FRMPD1: variants seen among roughly 807,000 people sequenced by gnomAD.
FRMPD1 encodes the protein FERM and PDZ domain containing 1.
A neutral mutation model predicts 117.8 loss-of-function variants in FRMPD1; 76 were observed. The observed-to-expected ratio is 0.65, with a 90% CI of 0.54 to 0.78. The LOEUF is 0.78. Ranked by LOEUF, FRMPD1 falls within the 30% of genes least tolerant of loss-of-function variation. The pLI is 0.00. For missense variants in FRMPD1, 1,786 were observed against 1,964.5 expected (o/e 0.91, Z 1.72); for synonymous variants, 783 against 770.4 (o/e 1.02, Z -0.27).
chr9:37,636,822 C>T, the FRMPD1 span: 4 of 1,612,134 alleles, frequency 2.5e-6, no homozygotes, highest in East Asian at 2.2e-5. Context: ...GCCTGCTCGA[C>T]ATTGGTGGCA....
the FRMPD1 span, among the ~76,000 whole-genome samples, chr9:37,638,021 T>TTTCTTTCC: frequency 1.8e-5 from 2 of 109,706 alleles, no homozygotes; most frequent in South Asian, 6.1e-4. Context: ...TCTTTCTTTC[T>TTTCTTTCC]TTCTCTCTCT....
intron 5 of FRMPD1, among the ~76,000 whole-genome samples, chr9:37,711,893 A>T (rs1011581856): frequency 2.6e-5 from 4 of 152,214 alleles, no homozygotes; most frequent in Non-Finnish European, 4.4e-5. Flanking sequence ...GGAAGCGGCA[A>T]TCCTAAACCA....
the FRMPD1 span, among the ~76,000 whole-genome samples, chr9:37,636,068 G>A: frequency 1.3e-5 from 2 of 152,186 alleles, no homozygotes; most frequent in South Asian, 2.1e-4. Context: ...CAGGCCCAGC[G>A]CCGCTACCCG....
intron 1 of FRMPD1, among the ~76,000 whole-genome samples, chr9:37,691,983 A>C (rs1360227913): frequency 6.6e-6 from 1 of 152,206 alleles, no homozygotes; most frequent in African/African-American, 2.4e-5. Context: ...ATGTATGGGC[A>C]TGGGAACTGG....
chr9:37,621,980 G>A, the FRMPD1 span, among the ~76,000 whole-genome samples: 1 of 152,310 alleles, frequency 6.6e-6, no homozygotes, highest in South Asian at 2.1e-4. Flanking sequence ...CAGCTGTTCT[G>A]CTGAGAATGC....
chr9:37,659,790 G>A (rs887931767), intron 1 of FRMPD1, among the ~76,000 whole-genome samples: 13 of 151,688 alleles, frequency 8.6e-5, no homozygotes, highest in Non-Finnish European at 1.5e-4. Context: ...AAGTTCCATG[G>A]TCCTTTAAGT....
chr9:37,721,261 A>G (rs1311067117), intron 6 of FRMPD1, among the ~76,000 whole-genome samples: 1 of 152,222 alleles, frequency 6.6e-6, no homozygotes, highest in Non-Finnish European at 1.5e-5. Context: ...AACAAGTAAG[A>G]GTTCATCCCT....
intron 1 of FRMPD1, among the ~76,000 whole-genome samples, chr9:37,690,594 G>A (rs181908924): frequency 6.6e-6 from 1 of 152,202 alleles, no homozygotes; most frequent in African/African-American, 2.4e-5. Flanking sequence ...TGATCTGGCA[G>A]CAAGTTACCT....
rs113297576 is a variant in FRMPD1 at position 37,746,065 on chromosome 9, C to A, written c.4033C>A (p.Arg1345Ser). The A allele has an allele frequency of 1.2e-3, 1,872 of 1,614,190 alleles. 19 individuals carry two copies. In the African/African-American group the frequency reaches 0.023, roughly 20 times the overall value. ...SCQFSYATCF[R>S]GPQPETEEED... The stretch of plus-strand genomic sequence containing the variant: ...TCAGTTCTCCTATGCCACATGCTTC[C>A]GTGGCCCGCAGCCTGAGACAGAGGA... The change falls in exon 16 of 16, where the codon CGT (arginine) becomes AGT (serine). Residue 1345 changes from arginine to serine, a missense_variant. By Grantham distance (110) the Arg-to-Ser change is moderately radical (BLOSUM62 -1). Coordinates refer to ENST00000377765, the MANE Select transcript of FRMPD1 (RefSeq NM_014907.3).
chr9:37,613,922 G>A, the FRMPD1 span, among the ~76,000 whole-genome samples: 1 of 152,028 alleles, frequency 6.6e-6, no homozygotes, highest in African/African-American at 2.4e-5. Flanking sequence ...ATCCACACTT[G>A]CCTCCTACTG....
At chr9:37,653,589 T>A (rs569470376) in intron 1 of FRMPD1, among the ~76,000 whole-genome samples, 1 of 152,180 alleles carries the variant, frequency 6.6e-6, no homozygotes, top group South Asian at 2.1e-4. Flanking sequence ...GAAGGCTCAA[T>A]CCCTGCCTCA....
the FRMPD1 span, among the ~76,000 whole-genome samples, chr9:37,619,758 A>AG: frequency 6.6e-6 from 1 of 150,624 alleles, no homozygotes; most frequent in African/African-American, 2.5e-5. Context: ...ACTCCAGCTC[A>AG]GAAAAAAAAA....
At chr9:37,700,987 T>A (rs932818575) in intron 2 of FRMPD1, among the ~76,000 whole-genome samples, 1 of 152,210 alleles carries the variant, frequency 6.6e-6, no homozygotes, top group South Asian at 2.1e-4. Context: ...ATGTTCTCTA[T>A]GAGGAGCGGC....
chr9:37,741,786 T>G (rs376998641), intron 15 of FRMPD1, among the ~76,000 whole-genome samples: 8 of 152,174 alleles, frequency 5.3e-5, no homozygotes, highest in African/African-American at 1.7e-4. Context: ...GTGCCTGTTT[T>G]TTCCCCCTCC....
At chr9:37,638,738 A>G in the FRMPD1 span, among the ~76,000 whole-genome samples, 17 of 152,300 alleles carry the variant, frequency 1.1e-4, no homozygotes, top group African/African-American at 3.9e-4. Flanking sequence ...CCCACTTAGT[A>G]AGATCTTGAG....
intron 1 of FRMPD1, among the ~76,000 whole-genome samples, chr9:37,653,112 G>A (rs972342708): frequency 6.6e-6 from 1 of 152,174 alleles, no homozygotes; most frequent in Non-Finnish European, 1.5e-5. Context: ...AGGGCAGCGG[G>A]AAGAGGCTCT....
upstream of FRMPD1, among the ~76,000 whole-genome samples, chr9:37,648,443 A>G (rs1234123355): frequency 6.6e-6 from 1 of 152,166 alleles, no homozygotes; most frequent in Non-Finnish European, 1.5e-5. Flanking sequence ...AGAAGGAACA[A>G]TGGAGGTGTC....
intron 1 of FRMPD1, among the ~76,000 whole-genome samples, chr9:37,659,689 A>G (rs531353097): frequency 6.6e-5 from 10 of 152,168 alleles, no homozygotes; most frequent in African/African-American, 1.9e-4. Flanking sequence ...TCAGTGCCCA[A>G]ATACTCTGTA....
intron 1 of FRMPD1, among the ~76,000 whole-genome samples, chr9:37,680,276 GA>G (rs1254672376): frequency 1.6e-4 from 24 of 152,254 alleles, no homozygotes; most frequent in African/African-American, 5.5e-4. Flanking sequence ...ACGATGCCCT[GA>G]ACTAGTGTTC....
Sources: allele counts gnomAD v4.1 joint callset (sites outside exome capture counted in the v4.1 genomes callset), GRCh38; gene constraint gnomAD v4.1.1; transcripts MANE v1.5; gene names NCBI Gene and HGNC (gene_info 2026-07-23, HGNC 2026-07-21).